Variants in LRFN2 observed in about 807,000 individuals in gnomAD.
LRFN2 encodes the protein leucine rich repeat and fibronectin type III domain containing 2.
LRFN2 carries 18 observed loss-of-function variants against 37.3 expected under a neutral mutation model. The observed-to-expected ratio is 0.48, with a 90% CI of 0.33 to 0.72. The LOEUF is 0.72. Ranked by LOEUF, LRFN2 falls within the 30% of genes least tolerant of loss-of-function variation. The pLI is 0.02. For synonymous variants in LRFN2, 556 were observed against 466.6 expected (o/e 1.19, Z -2.47); for missense variants, 1,006 against 1,060.7 (o/e 0.95, Z 0.72).
intron 2 of LRFN2, among the ~76,000 whole-genome samples, chr6:40,427,314 A>C (rs530181808): frequency 3.9e-4 from 60 of 152,344 alleles, no homozygotes; most frequent in African/African-American, 1.3e-3. Flanking sequence ...TCACTCCATC[A>C]GTTTACATTT....
chr6:40,466,926 G>A (rs571428765), intron 1 of LRFN2, among the ~76,000 whole-genome samples: 3 of 152,168 alleles, frequency 2.0e-5, no homozygotes, highest in Admixed American at 1.3e-4. Flanking sequence ...CTTAAAAGAA[G>A]TAAAAGTATG....
chr6:40,536,759 A>G (rs569950609), intron 1 of LRFN2, among the ~76,000 whole-genome samples: 6 of 152,320 alleles, frequency 3.9e-5, no homozygotes, highest in Admixed American at 1.3e-4. Context: ...ATTGCCAGAC[A>G]GAGGGCAGCT....
chr6:40,497,822 T>C (rs887926755), intron 1 of LRFN2, among the ~76,000 whole-genome samples: 2 of 152,132 alleles, frequency 1.3e-5, no homozygotes, highest in Non-Finnish European at 2.9e-5. Context: ...GAAGCAAGGA[T>C]GATCAAAAAA....
At chr6:40,440,948 A>T (rs1763820999) in intron 1 of LRFN2, among the ~76,000 whole-genome samples, 1 of 152,326 alleles carries the variant, frequency 6.6e-6, no homozygotes, top group Admixed American at 6.5e-5. Flanking sequence ...AATCCAGCTC[A>T]GAGCAAACTT....
chr6:40,547,001 A>G (rs941914650), intron 1 of LRFN2, among the ~76,000 whole-genome samples: 10 of 152,202 alleles, frequency 6.6e-5, no homozygotes, highest in African/African-American at 2.2e-4. Context: ...ATACAGTAAT[A>G]TATAAAGTAC....
chr6:40,447,687 A>T (rs1180136812), intron 1 of LRFN2, among the ~76,000 whole-genome samples: 1 of 152,160 alleles, frequency 6.6e-6, no homozygotes, highest in Non-Finnish European at 1.5e-5. Context: ...AACACATTTC[A>T]TCTTCCCACC....
At chr6:40,562,539 A>T (rs1252652042) in intron 1 of LRFN2, among the ~76,000 whole-genome samples, 1 of 152,116 alleles carries the variant, frequency 6.6e-6, no homozygotes, top group Non-Finnish European at 1.5e-5. Context: ...GTCCACCCAA[A>T]AACTGGGCCA....
intron 1 of LRFN2, among the ~76,000 whole-genome samples, chr6:40,509,966 G>T (rs776598510): frequency 1.3e-4 from 20 of 151,846 alleles, no homozygotes; most frequent in Admixed American, 4.6e-4. Context: ...GTGTATGCAT[G>T]TGGGTATGCC....
intron 1 of LRFN2, among the ~76,000 whole-genome samples, chr6:40,462,215 C>T (rs769280807): frequency 1.6e-4 from 24 of 152,196 alleles, no homozygotes; most frequent in Non-Finnish European, 1.8e-4. Flanking sequence ...CTTGCGCTCC[C>T]GTTCTTAACC....
chr6:40,554,757 C>T (rs1366400745), intron 1 of LRFN2, among the ~76,000 whole-genome samples: 1 of 152,046 alleles, frequency 6.6e-6, no homozygotes, highest in African/African-American at 2.4e-5. Context: ...CTACTTGACT[C>T]CCCCTCTGAA....
chr6:40,563,841 T>G (rs1767042989), intron 1 of LRFN2, among the ~76,000 whole-genome samples: 1 of 152,186 alleles, frequency 6.6e-6, no homozygotes, highest in South Asian at 2.1e-4. Flanking sequence ...ACGATTACCA[T>G]GGATACCACC....
At chr6:40,410,217 A>G (rs986979300) in intron 2 of LRFN2, among the ~76,000 whole-genome samples, 2 of 152,156 alleles carry the variant, frequency 1.3e-5, no homozygotes, top group African/African-American at 4.8e-5. Context: ...CTGGAGGATG[A>G]GGCTCTAACT....
chr6:40,394,522 A>G (rs1020569843), intron 2 of LRFN2, among the ~76,000 whole-genome samples: 2 of 152,194 alleles, frequency 1.3e-5, no homozygotes, highest in Admixed American at 1.3e-4. Flanking sequence ...AGAGGACTGG[A>G]ACTGACAGAC....
At chr6:40,543,767 C>T (rs543469151) in intron 1 of LRFN2, among the ~76,000 whole-genome samples, 1 of 152,346 alleles carries the variant, frequency 6.6e-6, no homozygotes, top group South Asian at 2.1e-4. Context: ...ATCCTAGCAG[C>T]ATGCTGAAAA....
chr6:40,550,902 T>G (rs989348468), intron 1 of LRFN2, among the ~76,000 whole-genome samples: 1 of 152,178 alleles, frequency 6.6e-6, no homozygotes, highest in Non-Finnish European at 1.5e-5. Flanking sequence ...GGTGAGTATA[T>G]CATATGTAGA....
At chr6:40,443,041 GA>G (rs750995520) in intron 1 of LRFN2, among the ~76,000 whole-genome samples, 109 of 152,234 alleles carry the variant, frequency 7.2e-4, no homozygotes, top group Admixed American at 4.1e-3. Flanking sequence ...AAATAATTTA[GA>G]AAATCAAATT....
chr6:40,483,622 A>G (rs1764883702), intron 1 of LRFN2, among the ~76,000 whole-genome samples: 1 of 152,218 alleles, frequency 6.6e-6, no homozygotes, highest in Non-Finnish European at 1.5e-5. Flanking sequence ...CCTATGCAGA[A>G]CTTACTCTTG....
chr6:40,412,884 A>G (rs1763003617), intron 2 of LRFN2, among the ~76,000 whole-genome samples: 1 of 152,196 alleles, frequency 6.6e-6, no homozygotes, highest in Admixed American at 6.5e-5. Context: ...AGAAAAAGAA[A>G]GTGCTGAGGT....
chr6:40,525,919 C>A (rs548422010), intron 1 of LRFN2, among the ~76,000 whole-genome samples: 2 of 152,310 alleles, frequency 1.3e-5, no homozygotes, highest in East Asian at 1.9e-4. Flanking sequence ...AATGAACCCC[C>A]CTCAGAGGGC....
Sources: gnomAD v4.1 joint callset for allele counts (sites outside exome capture counted in the v4.1 genomes callset) on GRCh38, gnomAD v4.1.1 for gene constraint, MANE v1.5 for transcripts, NCBI Gene and HGNC (gene_info 2026-07-23, HGNC 2026-07-21) for gene names.